AUTS2: variants seen among roughly 807,000 people sequenced by gnomAD.
AUTS2 encodes the protein autism susceptibility gene 2 protein.
AUTS2 carries 17 observed loss-of-function variants against 112.4 expected under a neutral mutation model. The ratio of observed to expected loss-of-function variants is 0.15; its 90% CI spans 0.10 to 0.23. The LOEUF (loss-of-function observed/expected upper bound fraction) is 0.23, where lower values mean the gene tolerates loss of function less well. AUTS2 is among the 10% of genes least tolerant of loss of function. The probability of loss-of-function intolerance (pLI) is 1.00; values close to 1 mark genes in which losing one functional copy is unlikely to be tolerated. For missense variants in AUTS2, 1,510 were observed against 1,701.6 expected (o/e 0.89, Z 1.98); for synonymous variants, 751 against 702.7 (o/e 1.07, Z -1.09).
intron 5 of AUTS2, among the ~76,000 whole-genome samples, chr7:70,488,862 G>A (rs183022720): frequency 3.7e-4 from 56 of 152,254 alleles, no homozygotes; most frequent in African/African-American, 9.1e-4. Flanking sequence ...AGACAGCCAC[G>A]TAGCTGACTC....
chr7:69,816,144 T>C (rs1292497333), intron 1 of AUTS2, among the ~76,000 whole-genome samples: 1 of 152,182 alleles, frequency 6.6e-6, no homozygotes, highest in Admixed American at 6.5e-5. Flanking sequence ...GAGTTTCTGA[T>C]TAAAGCTGTT....
chr7:69,621,494 A>G (rs1459381190), intron 1 of AUTS2, among the ~76,000 whole-genome samples: 3 of 151,944 alleles, frequency 2.0e-5, no homozygotes, highest in South Asian at 2.1e-4. Context: ...ATTATGTTAT[A>G]TAATTGTTCT....
intron 5 of AUTS2, among the ~76,000 whole-genome samples, chr7:70,578,020 C>T (rs558437266): frequency 7.2e-5 from 11 of 151,854 alleles, no homozygotes; most frequent in East Asian, 5.9e-4. Context: ...TTAGTAGAGA[C>T]GGGGTTTCAC....
chr7:70,380,968 A>G (rs1023048842), intron 4 of AUTS2, among the ~76,000 whole-genome samples: 1 of 152,250 alleles, frequency 6.6e-6, no homozygotes, highest in African/African-American at 2.4e-5. Context: ...CCAGATATCC[A>G]TTAACATAGA....
At chr7:70,319,480 C>T (rs1790150295) in intron 4 of AUTS2, among the ~76,000 whole-genome samples, 1 of 152,140 alleles carries the variant, frequency 6.6e-6, no homozygotes, top group South Asian at 2.1e-4. Flanking sequence ...AAAATAAATA[C>T]TTTGGAGTAT....
In AUTS2 at chr7:69,747,191, C is replaced by T. The variant is rs572976188; in HGVS notation, c.309+147229C>T. Among the ~76,000 whole-genome samples the T allele has an allele frequency of 6.6e-5, 10 of 152,284 alleles. No individual in the cohort carries two copies. The East Asian group carries it at 1.4e-3, about 21-fold the overall frequency. On this transcript the variant is annotated intron_variant, in intron 1 of 18. Coordinates refer to ENST00000342771, the MANE Select transcript of AUTS2 (RefSeq NM_015570.4). ...TTTGCATTATTTACAAATGTCAAGG[C>T]GATGCCAGCCAGTGCTGCTGGTCAG...
intron 1 of AUTS2, among the ~76,000 whole-genome samples, chr7:69,765,214 A>C (rs1282018468): frequency 1.3e-5 from 2 of 152,162 alleles, no homozygotes; most frequent in Non-Finnish European, 2.9e-5. Flanking sequence ...TTTGGCACAT[A>C]GCTCATGTTC....
intron 5 of AUTS2, among the ~76,000 whole-genome samples, chr7:70,603,094 T>G (rs1193692714): frequency 6.6e-6 from 1 of 152,232 alleles, no homozygotes; most frequent in East Asian, 1.9e-4. Flanking sequence ...TTCTGCATAC[T>G]TCTCTTTTTT....
At chr7:70,192,995 G>A (rs1364128231) in intron 4 of AUTS2, among the ~76,000 whole-genome samples, 1 of 152,200 alleles carries the variant, frequency 6.6e-6, no homozygotes, top group Non-Finnish European at 1.5e-5. Context: ...GTCAATCAGA[G>A]AAAGCCAGTA....
chr7:70,260,094 G>A (rs763078468), intron 4 of AUTS2, among the ~76,000 whole-genome samples: 22 of 151,932 alleles, frequency 1.4e-4, no homozygotes, highest in African/African-American at 3.9e-4. Context: ...GGCCAGGCGC[G>A]GTGGCTCACA....
intron 4 of AUTS2, among the ~76,000 whole-genome samples, chr7:70,296,488 T>A (rs1788939729): frequency 6.6e-6 from 1 of 152,238 alleles, no homozygotes; most frequent in Non-Finnish European, 1.5e-5. Flanking sequence ...ATCAGCATTT[T>A]CAGCATATAC....
intron 4 of AUTS2, among the ~76,000 whole-genome samples, chr7:70,337,496 C>T (rs1791048231): frequency 6.6e-6 from 1 of 152,136 alleles, no homozygotes. Flanking sequence ...ATGTAGCGTG[C>T]ACTGTTCTGG....
intron 2 of AUTS2, among the ~76,000 whole-genome samples, chr7:70,030,936 A>T (rs1359545129): frequency 6.6e-6 from 1 of 152,100 alleles, no homozygotes; most frequent in Non-Finnish European, 1.5e-5. Context: ...GGACCATGAG[A>T]CAAACGGCTG....
chr7:70,596,426 TGG>T (rs1803213264), intron 5 of AUTS2: 1 of 152,132 alleles, frequency 6.6e-6, no homozygotes, highest in Non-Finnish European at 1.5e-5. Context: ...AGAGGCCGGC[TGG>T]CTCCAGCCGT....
At chr7:70,399,905 C>A (rs1407319336) in intron 4 of AUTS2, among the ~76,000 whole-genome samples, 1 of 152,106 alleles carries the variant, frequency 6.6e-6, no homozygotes, top group Non-Finnish European at 1.5e-5. Flanking sequence ...CGGTGGTAAG[C>A]TATTCAGAGA....
At chr7:70,569,331 G>A (rs1292981186) in intron 5 of AUTS2, among the ~76,000 whole-genome samples, 4 of 152,146 alleles carry the variant, frequency 2.6e-5, no homozygotes, top group Non-Finnish European at 5.9e-5. Flanking sequence ...ATTGTTCTGC[G>A]ACCATTACCA....
intron 4 of AUTS2, among the ~76,000 whole-genome samples, chr7:70,268,399 G>A (rs1004612817): frequency 9.2e-5 from 14 of 152,154 alleles, no homozygotes; most frequent in African/African-American, 3.4e-4. Flanking sequence ...TCTTATGTAA[G>A]TCCAATAAAC....
intron 5 of AUTS2, among the ~76,000 whole-genome samples, chr7:70,697,570 C>CA (rs1554464391): frequency 8.4e-5 from 12 of 142,720 alleles, no homozygotes; most frequent in Non-Finnish European, 1.7e-4. Context: ...TCCCCCCCCC[C>CA]ATTTCCTATA....
intron 2 of AUTS2, among the ~76,000 whole-genome samples, chr7:69,919,074 T>C (rs1795704993): frequency 6.6e-6 from 1 of 152,188 alleles, no homozygotes; most frequent in African/African-American, 2.4e-5. Context: ...TCATTAACTA[T>C]TGTCATATAT....
Sources: allele counts gnomAD v4.1 joint callset (sites outside exome capture counted in the v4.1 genomes callset), GRCh38; gene constraint gnomAD v4.1.1; transcripts MANE v1.5; gene names NCBI Gene and HGNC (gene_info 2026-07-23, HGNC 2026-07-21).